Variants in CRACD observed in about 807,000 individuals in gnomAD.
CRACD encodes the protein capping protein inhibiting regulator of actin dynamics, also known as capping protein-inhibiting regulator of actin dynamics.
Under a neutral mutation model 106.8 loss-of-function variants are expected in CRACD, and 56 were observed. That is an observed-to-expected ratio of 0.52 (90% confidence interval 0.42 to 0.66). The LOEUF is 0.66. Ranked by LOEUF, CRACD falls within the 30% of genes least tolerant of loss-of-function variation. The pLI is 0.00. For missense variants in CRACD, 1,730 were observed against 1,623.2 expected (o/e 1.07, Z -1.13); for synonymous variants, 754 against 670.8 (o/e 1.12, Z -1.92).
At chr4:56,208,448 T>C (rs1457773458) in intron 2 of CRACD, among the ~76,000 whole-genome samples, 1 of 152,214 alleles carries the variant, frequency 6.6e-6, no homozygotes, top group East Asian at 1.9e-4. Context: ...CACTTTGACA[T>C]ATGCATTAAA....
intron 4 of CRACD, among the ~76,000 whole-genome samples, chr4:56,303,647 C>T (rs954046167): frequency 1.3e-5 from 2 of 152,222 alleles, no homozygotes; most frequent in Non-Finnish European, 2.9e-5. Flanking sequence ...GTCCTAACAA[C>T]CAGTCTCCTC....
At chr4:56,075,546 T>C (rs960966171) in intron 1 of CRACD, among the ~76,000 whole-genome samples, 2 of 152,150 alleles carry the variant, frequency 1.3e-5, no homozygotes, top group Non-Finnish European at 2.9e-5. Context: ...CCCTTCATCA[T>C]TTTTTATTGT....
intron 1 of CRACD, among the ~76,000 whole-genome samples, chr4:56,146,166 T>G (rs1735370996): frequency 6.6e-6 from 1 of 152,188 alleles, no homozygotes; most frequent in South Asian, 2.1e-4. Flanking sequence ...CAAGAATTAT[T>G]CAAAAGAGTA....
intron 2 of CRACD, among the ~76,000 whole-genome samples, chr4:56,183,915 T>C (rs1183415766): frequency 6.6e-6 from 1 of 152,212 alleles, no homozygotes; most frequent in African/African-American, 2.4e-5. Flanking sequence ...AGGTCCTTTT[T>C]TTAACCTCTG....
intron 8 of CRACD, among the ~76,000 whole-genome samples, chr4:56,322,764 C>T (rs911038345): frequency 2.6e-5 from 4 of 152,162 alleles, no homozygotes; most frequent in South Asian, 2.1e-4. Flanking sequence ...TGCAATGGCT[C>T]ACGCCTCTAA....
At chr4:56,299,098 G>A (rs180766083) in intron 4 of CRACD, among the ~76,000 whole-genome samples, 34 of 152,206 alleles carry the variant, frequency 2.2e-4, no homozygotes, top group Admixed American at 2.0e-3. Flanking sequence ...TGAATGATAC[G>A]ACTCTATTTT....
chr4:56,078,895 G>A (rs1476945576), intron 1 of CRACD, among the ~76,000 whole-genome samples: 2 of 152,194 alleles, frequency 1.3e-5, no homozygotes, highest in Non-Finnish European at 2.9e-5. Flanking sequence ...GTAGTGGAGT[G>A]TGTTCAACCA....
chr4:56,314,379 C>A lies in CRACD; in HGVS notation c.877C>A (p.Arg293=). The A allele has an allele frequency of 6.6e-7, 1 of 1,509,480 alleles. No individual in the cohort carries two copies. The allele number at this position is 1,509,480 out of a possible 1,614,324, so 93.5% of individuals were successfully genotyped here. ...AAGGGCGCCGCGGGAAGAGCAGCAG[C>A]GGAGCCTGGAAGCGCCAGGTTGGGA... ...AERAPREEQQ[R]SLEAPGWEDA... The change falls in exon 8 of 11, where the codon CGG becomes AGG. Residue 293 remains arginine, a synonymous_variant. Coordinates refer to ENST00000682029, the MANE Select transcript of CRACD (RefSeq NM_001393381.1). This position sits in a 1 kb window ranked among gnomAD's most constrained non-coding sequence, Gnocchi z 4.4.
chr4:56,273,333 C>T (rs1742477443), intron 3 of CRACD, among the ~76,000 whole-genome samples: 1 of 151,120 alleles, frequency 6.6e-6, no homozygotes, highest in Admixed American at 6.6e-5. Context: ...TCCTTCCTTC[C>T]TCCCTCCCTA....
intron 2 of CRACD, among the ~76,000 whole-genome samples, chr4:56,257,058 C>T (rs965803480): frequency 3.3e-5 from 5 of 150,700 alleles, no homozygotes; most frequent in Non-Finnish European, 5.9e-5. Context: ...AGTATTTTAC[C>T]CTGCAGTATA....
chr4:56,178,449 T>C (rs995744791), intron 1 of CRACD, among the ~76,000 whole-genome samples: 1 of 152,256 alleles, frequency 6.6e-6, no homozygotes, highest in Non-Finnish European at 1.5e-5. Context: ...TGGCCTTTCA[T>C]GCCCTGGCTG....
intron 2 of CRACD, among the ~76,000 whole-genome samples, chr4:56,245,918 T>C (rs1560500271): frequency 1.3e-5 from 2 of 152,360 alleles, no homozygotes; most frequent in African/African-American, 4.8e-5. Context: ...TTTCTGTCTC[T>C]TCTTTTACAT....
intron 4 of CRACD, among the ~76,000 whole-genome samples, chr4:56,306,304 G>A (rs1013125632): frequency 6.6e-6 from 1 of 152,076 alleles, no homozygotes; most frequent in Non-Finnish European, 1.5e-5. Context: ...GACCAGCCTG[G>A]GCAACTTGTT....
At chr4:56,191,391 T>TCCTC (rs1199422442) in intron 2 of CRACD, among the ~76,000 whole-genome samples, 3 of 150,576 alleles carry the variant, frequency 2.0e-5, no homozygotes, top group African/African-American at 2.4e-5. Context: ...CTCCCTCCCT[T>TCCTC]CCTCCCTCCC....
chr4:56,170,771 C>T (rs961631133), intron 1 of CRACD, among the ~76,000 whole-genome samples: 2 of 152,124 alleles, frequency 1.3e-5, no homozygotes, highest in African/African-American at 2.4e-5. Flanking sequence ...CCCAGGAGCT[C>T]GAGGTTACAG....
intron 2 of CRACD, among the ~76,000 whole-genome samples, chr4:56,264,094 G>GGA (rs1012966764): frequency 5.3e-5 from 8 of 152,162 alleles, no homozygotes; most frequent in African/African-American, 1.4e-4. Flanking sequence ...CATGGCGGCA[G>GGA]GAGAGAGAGA....
intron 2 of CRACD, among the ~76,000 whole-genome samples, chr4:56,264,089 C>T (rs191919134): frequency 2.6e-5 from 4 of 152,132 alleles, no homozygotes; most frequent in South Asian, 2.1e-4. Flanking sequence ...CTTCACATGG[C>T]GGCAGGAGAG....
At chr4:56,154,348 C>T (rs1443425210) in intron 1 of CRACD, among the ~76,000 whole-genome samples, 1 of 152,124 alleles carries the variant, frequency 6.6e-6, no homozygotes, top group Non-Finnish European at 1.5e-5. Context: ...CACCTGTAGT[C>T]CCAGCTACTC....
intron 2 of CRACD, among the ~76,000 whole-genome samples, chr4:56,213,766 G>A (rs1738526878): frequency 6.6e-6 from 1 of 152,230 alleles, no homozygotes; most frequent in Non-Finnish European, 1.5e-5. Context: ...GCCAATACTT[G>A]GTGATTAGCA....
Sources: gnomAD v4.1 joint callset for allele counts (sites outside exome capture counted in the v4.1 genomes callset) on GRCh38, gnomAD v4.1.1 for gene constraint, Gnocchi (gnomAD v3.1) non-coding constraint, MANE v1.5 for transcripts, NCBI Gene and HGNC (gene_info 2026-07-23, HGNC 2026-07-21) for gene names.